The following MAD1L1 variants were observed in gnomAD, a reference collection of about 807,000 sequenced individuals.
MAD1L1 encodes mitotic arrest deficient 1 like 1, also known as mitotic spindle assembly checkpoint protein MAD1.
A neutral mutation model predicts 96.9 loss-of-function variants in MAD1L1; 95 were observed. The ratio of observed to expected loss-of-function variants is 0.98; its 90% CI spans 0.83 to 1.16. MAD1L1 has a LOEUF of 1.16. Among genes scored for constraint, MAD1L1 ranks in the 50% most tolerant of loss-of-function variants. MAD1L1 has a pLI of 0.00. For missense variants in MAD1L1, 1,007 were observed against 954.4 expected (o/e 1.06, Z -0.73); for synonymous variants, 473 against 396.6 (o/e 1.19, Z -2.29).
chr7:1,955,322 G>A (rs543356519), intron 16 of MAD1L1, among the ~76,000 whole-genome samples: 3 of 152,298 alleles, frequency 2.0e-5, no homozygotes, highest in South Asian at 2.1e-4. Context: ...CTGGGGCCTC[G>A]CTCTGTCACC....
chr7:2,075,762 C>A (rs2128534444), intron 11 of MAD1L1, among the ~76,000 whole-genome samples: 1 of 152,308 alleles, frequency 6.6e-6, no homozygotes, highest in South Asian at 2.1e-4. Flanking sequence ...ACAATGTATC[C>A]CAAAGTGGCA....
At chr7:2,060,189 CGATGCCAAGATACGCA>C (rs1302707363) in intron 12 of MAD1L1, among the ~76,000 whole-genome samples, 66 of 143,086 alleles carry the variant, frequency 4.6e-4, no homozygotes, top group African/African-American at 1.7e-3. Flanking sequence ...CGAGATACAC[CGATGCCAAGATACGCA>C]GATGCCAAGT....
chr7:2,129,562 C>T (rs559639312), intron 11 of MAD1L1, among the ~76,000 whole-genome samples: 61 of 152,282 alleles, frequency 4.0e-4, no homozygotes, highest in Non-Finnish European at 7.1e-4. Flanking sequence ...GACAGGAACC[C>T]CAGGTGCCTC....
intron 17 of MAD1L1, among the ~76,000 whole-genome samples, chr7:1,926,562 C>T (rs904484572): frequency 3.3e-5 from 5 of 152,098 alleles, no homozygotes; most frequent in African/African-American, 1.2e-4. Flanking sequence ...GTTGGCTCAA[C>T]GTTGGAAACT....
chr7:2,069,194 C>T lies in MAD1L1; in HGVS notation c.1218G>A (p.Lys406=). ...ATCAAGATGTAAGGGCATACATCAC[C>T]TTGGTGAGCAGCAGGACCCGTTTCT... is the stretch of plus-strand genomic sequence containing the variant. The part of the protein sequence containing the change: ...RLQKRVLLLT[K]ERDGMRAILG... The change falls in exon 12 of 19, where the codon AAG becomes AAA. Residue 406 remains lysine (K), a splice_region_variant and synonymous_variant. Coordinates refer to ENST00000265854, the MANE Select transcript of MAD1L1 (RefSeq NM_001013836.2). The T allele has an allele frequency of 6.3e-7, 1 of 1,590,916 alleles. No individual in the cohort carries two copies. The highest frequency in any genetic ancestry group is 8.6e-7 in the Non-Finnish European group (1 of 1,169,360).
chr7:2,166,359 A>G (rs1035007060), intron 10 of MAD1L1, among the ~76,000 whole-genome samples: 1 of 152,214 alleles, frequency 6.6e-6, no homozygotes, highest in Non-Finnish European at 1.5e-5. Flanking sequence ...TCTTTCTCCC[A>G]GCTCAGGAAG....
At chr7:1,981,990 A>T (rs1364661266) in intron 14 of MAD1L1, among the ~76,000 whole-genome samples, 1 of 152,020 alleles carries the variant, frequency 6.6e-6, no homozygotes. Flanking sequence ...CCTGTCCCCA[A>T]CTTCCAACCC....
intron 11 of MAD1L1, among the ~76,000 whole-genome samples, chr7:2,074,942 G>C (rs890838445): frequency 1.3e-5 from 2 of 152,220 alleles, no homozygotes; most frequent in African/African-American, 4.8e-5. Context: ...CTCATTCGTG[G>C]TCAGCCCAGT....
Position 2,012,590 on chromosome 7 carries a change from G to A in MAD1L1, c.1359+1912C>T, listed in dbSNP as rs139059991. On this transcript the variant is annotated intron_variant, in intron 13 of 18. Coordinates refer to ENST00000265854, the MANE Select transcript of MAD1L1 (RefSeq NM_001013836.2). ...AGACACAGAAAGGAAAGCCAGGAGC[G>A]GGAGGAAGGAGGATGGACAGAGGGG... 1.7e-3 allele frequency among the ~76,000 whole-genome samples: 265 copies of A among 152,300 alleles called. 2 individuals are homozygous for A. Among genetic ancestry groups the A allele is most frequent in the African/African-American group, 5.9e-3 (246 of 41,558 alleles).
intron 16 of MAD1L1, among the ~76,000 whole-genome samples, chr7:1,954,558 C>T (rs542891791): frequency 3.9e-5 from 6 of 152,154 alleles, no homozygotes; most frequent in Non-Finnish European, 7.4e-5. Flanking sequence ...AGGGACTGTG[C>T]CGCCCACCTG....
intron 17 of MAD1L1, among the ~76,000 whole-genome samples, chr7:1,932,431 G>A (rs1218815982): frequency 6.6e-6 from 1 of 152,188 alleles, no homozygotes; most frequent in Non-Finnish European, 1.5e-5. Flanking sequence ...ACGGTGCGGG[G>A]CCGTCAAGTT....
At chr7:1,994,785 T>C (rs1697134216) in intron 14 of MAD1L1, among the ~76,000 whole-genome samples, 1 of 152,238 alleles carries the variant, frequency 6.6e-6, no homozygotes, top group Non-Finnish European at 1.5e-5. Flanking sequence ...GGCCAGTTCC[T>C]GATCCTGGAC....
chr7:2,206,741 G>A (rs1021671119), intron 10 of MAD1L1, among the ~76,000 whole-genome samples: 1 of 152,140 alleles, frequency 6.6e-6, no homozygotes, highest in South Asian at 2.1e-4. Context: ...TTTTGAAACT[G>A]TTATGGCTAT....
chr7:2,188,425 A>C (rs951398738), intron 10 of MAD1L1, among the ~76,000 whole-genome samples: 1 of 152,258 alleles, frequency 6.6e-6, no homozygotes, highest in Non-Finnish European at 1.5e-5. Flanking sequence ...AAAGAGTCAC[A>C]CTTTAAGTCA....
chr7:2,034,875 G>A (rs1362565034), intron 12 of MAD1L1, among the ~76,000 whole-genome samples: 2 of 152,212 alleles, frequency 1.3e-5, no homozygotes, highest in African/African-American at 4.8e-5. Context: ...TTTTTGATCA[G>A]TCCCCAAGCT....
At chr7:1,878,456 G>C (rs1785497843) in intron 18 of MAD1L1, among the ~76,000 whole-genome samples, 1 of 151,662 alleles carries the variant, frequency 6.6e-6, no homozygotes, top group Admixed American at 6.6e-5. Flanking sequence ...TATAAAAAGG[G>C]ACCCAGTGCG....
intron 18 of MAD1L1, among the ~76,000 whole-genome samples, chr7:1,841,930 TCACGCCGTCAC>T (rs1429287905): frequency 6.6e-6 from 1 of 152,132 alleles, no homozygotes; most frequent in African/African-American, 2.4e-5. Flanking sequence ...CCAGGCACAA[TCACGCCGTCAC>T]CACCCCAGCC....
intron 10 of MAD1L1, among the ~76,000 whole-genome samples, chr7:2,172,065 C>T (rs1435079680): frequency 6.6e-6 from 1 of 152,174 alleles, no homozygotes; most frequent in Non-Finnish European, 1.5e-5. Flanking sequence ...GCTAACCTCT[C>T]CTGCCTGTAC....
chr7:2,082,600 T>C (rs1165901120), intron 11 of MAD1L1, among the ~76,000 whole-genome samples: 2 of 152,224 alleles, frequency 1.3e-5, no homozygotes. Flanking sequence ...AGGACCAGGC[T>C]GAGGAGATTG....
Sources: allele counts gnomAD v4.1 joint callset (sites outside exome capture counted in the v4.1 genomes callset), GRCh38; gene constraint gnomAD v4.1.1; transcripts MANE v1.5; gene names NCBI Gene and HGNC (gene_info 2026-07-23, HGNC 2026-07-21).